GPHN: variants seen among roughly 807,000 people sequenced by gnomAD.
GPHN encodes the protein gephyrin.
Under a neutral mutation model 95.5 loss-of-function variants are expected in GPHN, and 17 were observed. The ratio of observed to expected loss-of-function variants is 0.18; its 90% CI spans 0.12 to 0.27. The LOEUF (loss-of-function observed/expected upper bound fraction) is 0.27. GPHN is among the 10% of genes least tolerant of loss of function. GPHN has a pLI of 1.00. For missense variants in GPHN, 660 were observed against 978.1 expected (o/e 0.67, Z 4.34); for synonymous variants, 320 against 322.5 (o/e 0.99, Z 0.08).
chr14:66,981,271 T>C (rs946301340), intron 9 of GPHN, among the ~76,000 whole-genome samples: 1 of 152,152 alleles, frequency 6.6e-6, no homozygotes, highest in African/African-American at 2.4e-5. Context: ...ATTAATCACC[T>C]CTCTTTCATT....
chr14:67,134,440 T>C (rs1436796302), intron 17 of GPHN, among the ~76,000 whole-genome samples: 5 of 152,256 alleles, frequency 3.3e-5, no homozygotes, highest in Non-Finnish European at 7.3e-5. Flanking sequence ...TATGATTATA[T>C]GTTTAGCAGT....
the GPHN span, among the ~76,000 whole-genome samples, chr14:67,539,075 A>G: frequency 1.3e-5 from 2 of 152,082 alleles, no homozygotes; most frequent in African/African-American, 4.8e-5. Flanking sequence ...TTTTACTGTT[A>G]TTTCTTAGCC....
intron 9 of GPHN, among the ~76,000 whole-genome samples, chr14:67,020,409 A>G (rs542696836): frequency 1.5e-4 from 23 of 152,144 alleles, no homozygotes; most frequent in Non-Finnish European, 2.6e-4. Flanking sequence ...AACTGTATCT[A>G]AAGATTGTTG....
At chr14:66,649,310 A>G (rs1387235995) in intron 1 of GPHN, among the ~76,000 whole-genome samples, 1 of 151,804 alleles carries the variant, frequency 6.6e-6, no homozygotes, top group Non-Finnish European at 1.5e-5. Context: ...CTCCAACCTG[A>G]GCAACAGAGT....
At chr14:66,637,546 T>A (rs2153349113) in intron 1 of GPHN, among the ~76,000 whole-genome samples, 1 of 152,280 alleles carries the variant, frequency 6.6e-6, no homozygotes, top group East Asian at 1.9e-4. Flanking sequence ...TTTTTATTCT[T>A]TGAGTTTCAG....
chr14:67,479,348 G>A, the GPHN span, among the ~76,000 whole-genome samples: 1 of 150,806 alleles, frequency 6.6e-6, no homozygotes, highest in Non-Finnish European at 1.5e-5. Flanking sequence ...GGAGGTGGAG[G>A]TAGCAGTGAG....
In GPHN at chr14:66,830,874, TAAAG is replaced by T. The variant is rs562630815; in HGVS notation, c.294+6313_294+6316del. On this transcript the variant is annotated intron_variant, in intron 4 of 22. Coordinates refer to ENST00000478722, the MANE Select transcript of GPHN (RefSeq NM_020806.5). ...AAAATGTCAGTTTTCTAGTACAAAT[TAAAG>T]AAAGTTACAAAAATTGTTTTATAAT... is the stretch of plus-strand genomic sequence containing the variant. Among the ~76,000 whole-genome samples, 88 of 152,208 alleles carry T rather than the reference TAAAG, an allele frequency of 5.8e-4. 1 individual carries two copies. The highest frequency in any genetic ancestry group is 3.4e-3 in the Middle Eastern group (1 of 294).
chr14:67,347,524 G>A, the GPHN span: 40 of 1,276,868 alleles, frequency 3.1e-5, no homozygotes, highest in Admixed American at 6.6e-5. Flanking sequence ...TTTCTGAGAC[G>A]GAGTTTTGCT....
chr14:67,317,705 GT>G, the GPHN span, among the ~76,000 whole-genome samples: 2 of 152,066 alleles, frequency 1.3e-5, no homozygotes, highest in East Asian at 1.9e-4. Flanking sequence ...GTTTCCTGTA[GT>G]TTTTTTCTAC....
the GPHN span, among the ~76,000 whole-genome samples, chr14:67,227,089 C>T: frequency 6.6e-6 from 1 of 152,156 alleles, no homozygotes; most frequent in African/African-American, 2.4e-5. Context: ...CAGAGAGCTG[C>T]AAATGCAAAG....
chr14:67,076,876 T>C (rs952938794), intron 11 of GPHN, among the ~76,000 whole-genome samples: 1 of 152,164 alleles, frequency 6.6e-6, no homozygotes, highest in African/African-American at 2.4e-5. Flanking sequence ...ATGATAAATC[T>C]TGGTTAGCCA....
At chr14:66,967,824 G>A (rs2069451094) in intron 9 of GPHN, among the ~76,000 whole-genome samples, 1 of 151,916 alleles carries the variant, frequency 6.6e-6, no homozygotes, top group Admixed American at 6.6e-5. Flanking sequence ...TAGATAGGGT[G>A]AGTAGAGAAG....
At chr14:67,176,685 G>A (rs901593809) in intron 21 of GPHN, among the ~76,000 whole-genome samples, 5 of 152,064 alleles carry the variant, frequency 3.3e-5, no homozygotes, top group African/African-American at 4.8e-5. Flanking sequence ...CATAGAATTC[G>A]GCTGTGAGTC....
rs1326474247 is a variant in GPHN at position 66,820,063 on chromosome 14, A to G, written c.202-4411A>G. Among the ~76,000 whole-genome samples the G allele has an allele frequency of 2.0e-5, 3 of 152,198 alleles. No homozygotes were observed. The East Asian group carries it at 5.8e-4, about 29-fold the overall frequency. On this transcript the variant is annotated intron_variant, in intron 3 of 22. Transcript: ENST00000478722. The stretch of plus-strand genomic sequence containing the variant: ...ATTTTAAAAAATAGGAAAGTCATTA[A>G]TAGGTTACAGTCATATGTTAACTAT...
At chr14:66,882,329 GT>G (rs1468668317) in intron 5 of GPHN, among the ~76,000 whole-genome samples, 1 of 151,584 alleles carries the variant, frequency 6.6e-6, no homozygotes, top group African/African-American at 2.4e-5. Context: ...TCTATAGCAT[GT>G]TTTTTTCAGG....
At chr14:67,089,249 A>C (rs1414079255) in intron 12 of GPHN, among the ~76,000 whole-genome samples, 174 bp downstream of exon 12, 1 of 147,026 alleles carries the variant, frequency 6.8e-6, no homozygotes, top group Non-Finnish European at 1.5e-5. Context: ...TAACCATGTT[A>C]ATCTGCACCT....
chr14:67,507,556 C>T, the GPHN span, among the ~76,000 whole-genome samples: 2 of 151,962 alleles, frequency 1.3e-5, no homozygotes, highest in East Asian at 1.9e-4. Context: ...TTAAGTGATC[C>T]TCCCACCTCA....
chr14:67,191,929 C>T, the GPHN span, among the ~76,000 whole-genome samples: 2 of 152,196 alleles, frequency 1.3e-5, no homozygotes, highest in Non-Finnish European at 2.9e-5. Context: ...CCTAATGTAG[C>T]TGTCTGCTGA....
At chr14:67,694,477 TACACACACACAC>T in the GPHN span, among the ~76,000 whole-genome samples, 3 of 142,920 alleles carry the variant, frequency 2.1e-5, no homozygotes, top group African/African-American at 7.9e-5. Context: ...TATATATATA[TACACACACACAC>T]ATATATATAT....
Sources: gnomAD v4.1 joint callset for allele counts (sites outside exome capture counted in the v4.1 genomes callset) on GRCh38, gnomAD v4.1.1 for gene constraint, MANE v1.5 for transcripts, NCBI Gene and HGNC (gene_info 2026-07-23, HGNC 2026-07-21) for gene names.